Variants in PIWIL1 observed in about 807,000 individuals in gnomAD.
PIWIL1 encodes the protein piwi like RNA-mediated gene silencing 1, also known as piwi-like protein 1.
A neutral mutation model predicts 114.4 loss-of-function variants in PIWIL1; 73 were observed. The observed-to-expected ratio is 0.64, with a 90% CI of 0.53 to 0.78. The LOEUF is 0.78. PIWIL1 is among the 30% of genes least tolerant of loss of function. The pLI, the probability that PIWIL1 is intolerant of heterozygous loss-of-function variation, is 0.00. For missense variants in PIWIL1, 723 were observed against 1,063.1 expected (o/e 0.68, Z 4.45); for synonymous variants, 375 against 369.0 (o/e 1.02, Z -0.19).
intron 6 of PIWIL1, 120 bp from the exon 7 acceptor site, chr12:130,347,983 G>A: frequency 3.4e-6 from 2 of 589,398 alleles, no homozygotes; most frequent in Non-Finnish European, 6.0e-6. Flanking sequence ...CAGCAGGTAG[G>A]TTGGATTTGG....
chr12:130,397,952 A>ATT, the PIWIL1 span: 3 of 154,746 alleles, frequency 1.9e-5, no homozygotes, highest in Non-Finnish European at 2.9e-5. Context: ...ATTTGAAACT[A>ATT]TTTGGTTATA....
At chr12:130,417,021 C>T in the PIWIL1 span, among the ~76,000 whole-genome samples, 21 of 151,196 alleles carry the variant, frequency 1.4e-4, no homozygotes, top group African/African-American at 4.6e-4. Context: ...TAGAGAAATC[C>T]AAGACAAAAT....
intron 16 of PIWIL1, among the ~76,000 whole-genome samples, chr12:130,362,031 G>C (rs11832403): frequency 0.077 from 11,770 of 152,122 alleles, 1,465 homozygotes; most frequent in African/African-American, 0.27. Flanking sequence ...AAAACTGAAG[G>C]CATGTTAGTT....
intron 11 of PIWIL1, 85 bp downstream of exon 11, chr12:130,355,090 G>A: frequency 2.4e-6 from 2 of 841,594 alleles, no homozygotes; most frequent in South Asian, 2.9e-5. Context: ...TTGAGGGAGT[G>A]GCAGAAAGTA....
chr12:130,360,658 G>A (rs550010035), intron 14 of PIWIL1, among the ~76,000 whole-genome samples: 87 of 152,142 alleles, frequency 5.7e-4, no homozygotes, highest in Middle Eastern at 3.4e-3. Context: ...CCAAACTCCC[G>A]AAAGTTAAAC....
At chr12:130,413,669 C>G in the PIWIL1 span, among the ~76,000 whole-genome samples, 1 of 145,794 alleles carries the variant, frequency 6.9e-6, no homozygotes, top group South Asian at 2.2e-4. Context: ...AACTGGGTAC[C>G]AAAGGGATAG....
chr12:130,413,664 G>A, the PIWIL1 span, among the ~76,000 whole-genome samples: 519 of 147,202 alleles, frequency 3.5e-3, 4 homozygotes, highest in African/African-American at 0.012. Flanking sequence ...AAAGGAACTG[G>A]GTACCAAAGG....
At chr12:130,392,554 CGT>C in the PIWIL1 span, among the ~76,000 whole-genome samples, 1 of 104,186 alleles carries the variant, frequency 9.6e-6, no homozygotes, top group African/African-American at 4.0e-5. Context: ...ACCATCATCA[CGT>C]GTGTCTGTCA....
chr12:130,411,298 C>T, the PIWIL1 span, among the ~76,000 whole-genome samples: 280 of 152,206 alleles, frequency 1.8e-3, no homozygotes, highest in African/African-American at 6.3e-3. Flanking sequence ...CATCTGTGAA[C>T]AGAAAAAGTT....
At chr12:130,412,643 G>C in the PIWIL1 span, 2 of 1,614,028 alleles carry the variant, frequency 1.2e-6, no homozygotes, top group Non-Finnish European at 1.7e-6. Flanking sequence ...GGTGTATTCA[G>C]AGGGAGAAAG....
intron 10 of PIWIL1, 94 bp downstream of exon 10, chr12:130,354,757 C>T: frequency 6.8e-7 from 1 of 1,480,920 alleles, no homozygotes; most frequent in Non-Finnish European, 9.1e-7. Flanking sequence ...CCCCTTCCCT[C>T]CCCCCAGAAA....
chr12:130,397,887 C>T, the PIWIL1 span: 2 of 180,328 alleles, frequency 1.1e-5, no homozygotes, highest in Non-Finnish European at 2.3e-5. Context: ...TAAAGTTGGC[C>T]GAGTACCCAT....
At chr12:130,376,795 A>C (rs2073869933), downstream of PIWIL1, among the ~76,000 whole-genome samples, 1 of 152,204 alleles carries the variant, frequency 6.6e-6, no homozygotes, top group South Asian at 2.1e-4. Flanking sequence ...CAAAGTAGTC[A>C]CAGTGATGAA....
intron 19 of PIWIL1, among the ~76,000 whole-genome samples, chr12:130,369,064 C>A (rs1000217802): frequency 6.6e-6 from 1 of 152,160 alleles, no homozygotes; most frequent in East Asian, 1.9e-4. Flanking sequence ...TACCCCCCAA[C>A]AGGCCCCAGT....
At chr12:130,362,710 A>C in intron 16 of PIWIL1, 56 bp from the exon 17 acceptor site, 1 of 1,473,962 alleles carries the variant, frequency 6.8e-7, no homozygotes, top group Non-Finnish European at 9.5e-7. Context: ...TAATTCAGAA[A>C]GGAAAAATTG....
At chr12:130,371,389 G>A in intron 20 of PIWIL1, 66 bp downstream of exon 20, 2 of 1,612,020 alleles carry the variant, frequency 1.2e-6, no homozygotes, top group Non-Finnish European at 1.7e-6. Flanking sequence ...TGAAATAGCT[G>A]TGGTTTAAAA....
chr12:130,364,201 T>C (rs747520545), intron 18 of PIWIL1, among the ~76,000 whole-genome samples: 2 of 152,228 alleles, frequency 1.3e-5, no homozygotes, highest in African/African-American at 2.4e-5. Flanking sequence ...GATTGAACTT[T>C]TCAGGATATT....
At chr12:130,418,886 C>T in the PIWIL1 span, among the ~76,000 whole-genome samples, 1 of 152,178 alleles carries the variant, frequency 6.6e-6, no homozygotes, top group Admixed American at 6.5e-5. Context: ...TAGGCAGACA[C>T]CCCAACACAG....
chr12:130,357,237 A>G (rs974076753), intron 13 of PIWIL1, 132 bp downstream of exon 13: 5 of 766,972 alleles, frequency 6.5e-6, no homozygotes, highest in Non-Finnish European at 1.0e-5. Context: ...GCAGATAAAC[A>G]GAAACATATT....
Sources: allele counts gnomAD v4.1 joint callset (sites outside exome capture counted in the v4.1 genomes callset), GRCh38; gene constraint gnomAD v4.1.1; transcripts MANE v1.5; gene names NCBI Gene and HGNC (gene_info 2026-07-23, HGNC 2026-07-21).